ZNRF1: variants seen among roughly 807,000 people sequenced by gnomAD.
ZNRF1 encodes E3 ubiquitin-protein ligase ZNRF1.
ZNRF1 carries 3 observed loss-of-function variants against 18.4 expected under a neutral mutation model. The observed-to-expected ratio is 0.16, with a 90% CI of 0.07 to 0.42. ZNRF1 has a LOEUF of 0.42. Among genes scored for constraint, ZNRF1 ranks in the 10% least tolerant of loss-of-function variants. The pLI is 0.99. For missense variants in ZNRF1, 310 were observed against 329.8 expected (o/e 0.94, Z 0.47); for synonymous variants, 157 against 144.2 (o/e 1.09, Z -0.64).
chr16:75,040,762 A>C (rs1265331360), intron 1 of ZNRF1, among the ~76,000 whole-genome samples: 1 of 151,682 alleles, frequency 6.6e-6, no homozygotes, highest in East Asian at 1.9e-4. Flanking sequence ...GCGCGCCACC[A>C]TGCCCAGCTA....
chr16:75,083,153 A>G (rs537174385), intron 1 of ZNRF1, among the ~76,000 whole-genome samples: 9 of 152,286 alleles, frequency 5.9e-5, no homozygotes, highest in African/African-American at 1.7e-4. Flanking sequence ...CTCATTTTTC[A>G]CTTTTTTTGC....
In ZNRF1 at chr16:74,999,926, G is replaced by T; in HGVS notation, c.255G>T (p.Ala85=). The T allele has an allele frequency of 6.4e-7, 1 of 1,559,826 alleles. No individual in the cohort carries two copies. ...ASRGTGDSER[A]PGGGGSASDS... ...GGGGCACCGGCGACTCCGAGAGGGC[G>T]CCCGGCGGCGGAGGGTCTGCGTCCG... Residue 85 remains alanine, a synonymous_variant, in exon 1 of 5, where the codon GCG becomes GCT. Transcript: ENST00000335325.
chr16:75,053,343 C>T (rs1297910871), intron 1 of ZNRF1, among the ~76,000 whole-genome samples: 2 of 152,130 alleles, frequency 1.3e-5, no homozygotes, highest in Non-Finnish European at 2.9e-5. Flanking sequence ...AATCCCAGCA[C>T]TTTGGGAGGC....
At chr16:75,013,990 C>T (rs1326814290) in intron 1 of ZNRF1, among the ~76,000 whole-genome samples, 4 of 151,908 alleles carry the variant, frequency 2.6e-5, no homozygotes, top group South Asian at 4.2e-4. Flanking sequence ...CCACCACACC[C>T]GACTAATTTT....
chr16:75,018,162 T>C (rs1037725928), intron 1 of ZNRF1, among the ~76,000 whole-genome samples: 3 of 152,252 alleles, frequency 2.0e-5, no homozygotes, highest in Non-Finnish European at 4.4e-5. Context: ...GCTGTTAATA[T>C]TTAATGTCAC....
At chr16:75,088,514 C>G (rs553758148) in intron 1 of ZNRF1, among the ~76,000 whole-genome samples, 1 of 152,290 alleles carries the variant, frequency 6.6e-6, no homozygotes. Flanking sequence ...GGAGAAATTG[C>G]TGGGACAGTG....
chr16:75,069,344 C>G (rs974367130), intron 1 of ZNRF1, among the ~76,000 whole-genome samples: 1 of 152,210 alleles, frequency 6.6e-6, no homozygotes, highest in Admixed American at 6.5e-5. Context: ...GTGTTTAACT[C>G]TGTTCCCTTA....
chr16:75,100,296 G>A (rs1379611682), intron 2 of ZNRF1, among the ~76,000 whole-genome samples: 1 of 152,240 alleles, frequency 6.6e-6, no homozygotes, highest in East Asian at 1.9e-4. Context: ...GTGAGGAAAG[G>A]CTGCCTCTAA....
In ZNRF1 at chr16:75,107,741, C is replaced by T. The variant is rs1008189570; in HGVS notation, c.*41C>T. On this transcript the variant is annotated 3_prime_UTR_variant, in exon 5 of 5. Transcript: ENST00000335325. The stretch of plus-strand genomic sequence containing the variant: ...TATTACGGTCCACACAGGGACAGAG[C>T]GCCCCTGCTCCAGGGAGGAGGCTCA... 1.3e-5 allele frequency: 6 copies of T among 456,328 alleles called. No individual in the cohort carries two copies. Among genetic ancestry groups the T allele is most frequent in the Non-Finnish European group, 2.6e-5 (6 of 226,800 alleles). 28.3% of individuals were successfully genotyped at this position (456,328 alleles called of 1,614,324 possible).
intron 1 of ZNRF1, among the ~76,000 whole-genome samples, chr16:75,092,403 A>G (rs1194168984): frequency 6.6e-6 from 1 of 152,212 alleles, no homozygotes; most frequent in Non-Finnish European, 1.5e-5. Context: ...TAGGAAGTCC[A>G]GGCTGGGCGG....
chr16:75,053,703 C>T (rs572367767), intron 1 of ZNRF1, among the ~76,000 whole-genome samples: 1 of 152,194 alleles, frequency 6.6e-6, no homozygotes, highest in South Asian at 2.1e-4. Flanking sequence ...TAAAACACAT[C>T]CACCTATTAA....
intron 2 of ZNRF1, chr16:75,095,558 G>C (rs1245972222): frequency 1.3e-5 from 19 of 1,488,044 alleles, no homozygotes; most frequent in African/African-American, 8.4e-5. Flanking sequence ...TGTCCTGTGG[G>C]TTGCTAGGGC....
intron 1 of ZNRF1, among the ~76,000 whole-genome samples, chr16:75,085,876 T>G (rs1324759170): frequency 6.7e-6 from 1 of 150,004 alleles, no homozygotes; most frequent in Non-Finnish European, 1.5e-5. Flanking sequence ...GCTTACATGA[T>G]TATGGAAGCT....
chr16:75,051,250 T>C (rs149557118), intron 1 of ZNRF1, among the ~76,000 whole-genome samples: 3,155 of 152,080 alleles, frequency 0.021, 137 homozygotes, highest in African/African-American at 0.073. Context: ...CTCTGTCGCC[T>C]AGTCTGGAGT....
intron 1 of ZNRF1, among the ~76,000 whole-genome samples, chr16:75,005,751 A>G (rs1192351461): frequency 6.6e-6 from 1 of 152,356 alleles, no homozygotes; most frequent in African/African-American, 2.4e-5. Flanking sequence ...TAGAACAATT[A>G]TAACAATATA....
chr16:75,013,580 C>T (rs979411166), intron 1 of ZNRF1, among the ~76,000 whole-genome samples: 7 of 152,128 alleles, frequency 4.6e-5, no homozygotes, highest in Admixed American at 2.6e-4. Flanking sequence ...CTGTTGACCT[C>T]GTGATCCACC....
At chr16:75,100,404 T>C (rs1212145421) in intron 2 of ZNRF1, among the ~76,000 whole-genome samples, 1 of 152,090 alleles carries the variant, frequency 6.6e-6, no homozygotes, top group Non-Finnish European at 1.5e-5. Context: ...CCCTTCCCTT[T>C]CCCCTAGTGA....
intron 1 of ZNRF1, among the ~76,000 whole-genome samples, chr16:75,038,772 C>T (rs916439790): frequency 3.1e-4 from 47 of 152,320 alleles, no homozygotes; most frequent in African/African-American, 1.1e-3. Context: ...TTTCATACAA[C>T]ATGGCATTCC....
At position 75,003,761 on chromosome 16, in the gene ZNRF1, G is replaced by A. The variant is rs373041244; in HGVS notation, c.424+3666G>A. On this transcript the variant is annotated intron_variant, in intron 1 of 4. Transcript: ENST00000335325. ...ATTAGCTGCATGATTTGTGACCTTG[G>A]GCAAGCGAGTCATTTAACCTCAGTC... Among the ~76,000 whole-genome samples the A allele has an allele frequency of 3.3e-5, 5 of 152,250 alleles. No homozygotes were observed. In the South Asian group the frequency reaches 1.0e-3, roughly 32 times the overall value.
Sources: gnomAD v4.1 joint callset for allele counts (sites outside exome capture counted in the v4.1 genomes callset) on GRCh38, gnomAD v4.1.1 for gene constraint, MANE v1.5 for transcripts, NCBI Gene and HGNC (gene_info 2026-07-23, HGNC 2026-07-21) for gene names.